ACSL4: variants seen among roughly 807,000 people sequenced by gnomAD.
ACSL4 encodes acyl-CoA synthetase long chain family member 4, also known as long-chain-fatty-acid--CoA ligase 4.
A neutral mutation model predicts 49.1 loss-of-function variants in ACSL4; 9 were observed. The observed-to-expected ratio is 0.18, with a 90% CI of 0.11 to 0.32. ACSL4 has a LOEUF of 0.32. ACSL4 is among the 10% of genes least tolerant of loss of function. ACSL4 has a pLI of 1.00. For missense variants in ACSL4, 333 were observed against 493.7 expected (o/e 0.67, Z 3.08); for synonymous variants, 191 against 170.3 (o/e 1.12, Z -0.95).
chrX:109,649,183 T>C (rs1179887490), intron 15 of ACSL4, among the ~76,000 whole-genome samples: 2 of 111,045 alleles, frequency 1.8e-5, no homozygotes, highest in South Asian at 3.8e-4. Flanking sequence ...TACTTTAAAG[T>C]TCATATGGAA....
Position 109,668,240 on chromosome X carries a change from T to A in ACSL4, c.1176A>T (p.Gly392=). Residue 392 remains glycine (G), a synonymous_variant, in exon 11 of 16, where the codon GGA becomes GGT. Transcript: ENST00000672401. The stretch of plus-strand genomic sequence containing the variant: ...CAGACAGCATCATGCGGACATTCCC[T>A]CCCAGCAGGGCCTTGACCTTTTTAA... ...LLFKKVKALL[G]GNVRMMLSGG... The A allele has an allele frequency of 8.3e-7, 1 of 1,207,234 alleles. No individual in the cohort carries two copies. The highest frequency in any genetic ancestry group is 1.1e-6 in the Non-Finnish European group (1 of 892,557).
chrX:109,650,913 G>A (rs1921063410), intron 15 of ACSL4, among the ~76,000 whole-genome samples: 1 of 111,768 alleles, frequency 8.9e-6, no homozygotes, highest in Non-Finnish European at 1.9e-5. Flanking sequence ...AGAAAATTAA[G>A]TCTCTAGACA....
intron 1 of ACSL4, among the ~76,000 whole-genome samples, chrX:109,703,482 C>T (rs1926115640): frequency 9.0e-6 from 1 of 111,243 alleles, no homozygotes; most frequent in Non-Finnish European, 1.9e-5. Context: ...AGTAAAAATG[C>T]CCTCTAAAAA....
At chrX:109,655,022 A>C (rs1464211360) in intron 15 of ACSL4, among the ~76,000 whole-genome samples, 1 of 111,550 alleles carries the variant, frequency 9.0e-6, no homozygotes, top group East Asian at 2.8e-4. Flanking sequence ...AGTCAGGCTA[A>C]TATTGCCCGG....
chrX:109,705,348 C>T (rs957775533), intron 1 of ACSL4, among the ~76,000 whole-genome samples: 9 of 111,811 alleles, frequency 8.0e-5, no homozygotes, highest in Non-Finnish European at 1.3e-4. Flanking sequence ...TGTTCTGCTA[C>T]CAGTGACAGA....
At chrX:109,649,640 C>T (rs1861807392) in intron 15 of ACSL4, among the ~76,000 whole-genome samples, 1 of 111,137 alleles carries the variant, frequency 9.0e-6, no homozygotes, top group South Asian at 3.8e-4. Context: ...TCTAAAACAC[C>T]AAAAGCAATG....
chrX:109,678,563 C>A (rs992574395), intron 6 of ACSL4, 148 bp from the exon 7 acceptor site: 1 of 708,543 alleles, frequency 1.4e-6, no homozygotes, highest in Admixed American at 2.7e-5. Context: ...GGTGAGGTGG[C>A]TCATGCCTGT....
intron 1 of ACSL4, among the ~76,000 whole-genome samples, chrX:109,700,207 C>CATA (rs1925782718): frequency 6.1e-5 from 1 of 16,268 alleles, no homozygotes; most frequent in Admixed American, 7.2e-4. Flanking sequence ...GACTCCGTCT[C>CATA]AAAAAAAAAA....
At chrX:109,692,884 C>T (rs1430734966) in intron 2 of ACSL4, among the ~76,000 whole-genome samples, 1 of 111,954 alleles carries the variant, frequency 8.9e-6, no homozygotes, top group African/African-American at 3.2e-5. Context: ...GAAGAATATA[C>T]AAAATATCTA....
chrX:109,707,623 C>T (rs558306659), intron 1 of ACSL4, among the ~76,000 whole-genome samples: 1 of 109,401 alleles, frequency 9.1e-6, no homozygotes, highest in African/African-American at 3.3e-5. Context: ...CTGGGAGTTG[C>T]GGACCCCTAT....
intron 15 of ACSL4, among the ~76,000 whole-genome samples, chrX:109,650,315 G>T (rs1266366079): frequency 2.7e-5 from 3 of 110,076 alleles, no homozygotes; most frequent in Admixed American, 1.9e-4. Flanking sequence ...AAGAAAATGT[G>T]GCACATATAC....
intron 1 of ACSL4, among the ~76,000 whole-genome samples, chrX:109,705,017 A>C (rs1434240034): frequency 9.0e-6 from 1 of 111,438 alleles, no homozygotes; most frequent in Non-Finnish European, 1.9e-5. Flanking sequence ...GGATGGGTTT[A>C]TGGCATAGAT....
At chrX:109,728,371 G>A (rs946921800) in intron 1 of ACSL4, among the ~76,000 whole-genome samples, 8 of 112,376 alleles carry the variant, frequency 7.1e-5, no homozygotes, top group Non-Finnish European at 1.5e-4. Context: ...ATTTAAATAA[G>A]AACACAAATT....
intron 15 of ACSL4, among the ~76,000 whole-genome samples, chrX:109,645,042 T>C (rs995842748): frequency 4.4e-5 from 5 of 112,805 alleles, no homozygotes; most frequent in African/African-American, 1.6e-4. Context: ...GTCTCGCTGA[T>C]TGCTAGCACA....
intron 1 of ACSL4, among the ~76,000 whole-genome samples, chrX:109,700,750 T>TA (rs943463593): frequency 9.0e-6 from 1 of 111,135 alleles, no homozygotes; most frequent in Non-Finnish European, 1.9e-5. Context: ...AAAAGTTTTT[T>TA]AAAAATATTC....
chrX:109,672,078 C>CT (rs1923305610), intron 9 of ACSL4, among the ~76,000 whole-genome samples: 1 of 28,758 alleles, frequency 3.5e-5, no homozygotes, highest in African/African-American at 1.4e-4. Flanking sequence ...TCAATAAATA[C>CT]TAAAAAAAAA....
intron 1 of ACSL4, among the ~76,000 whole-genome samples, chrX:109,726,454 A>G (rs1158054556): frequency 8.9e-6 from 1 of 112,097 alleles, no homozygotes; most frequent in Non-Finnish European, 1.9e-5. Flanking sequence ...ACAAACAAAA[A>G]AACAAATACA....
chrX:109,684,642 T>C (rs971360454), intron 2 of ACSL4, among the ~76,000 whole-genome samples: 2 of 112,066 alleles, frequency 1.8e-5, no homozygotes, highest in Admixed American at 9.5e-5. Flanking sequence ...ATAACTACCA[T>C]GTGCAGTGTA....
Position 109,682,762 on chromosome X carries a change from T to C in ACSL4, c.363A>G (p.Glu121=), listed in dbSNP as rs144600261. The C allele has an allele frequency of 4.2e-5, 51 of 1,209,966 alleles. 1 individual carries two copies. The African/African-American group carries it at 7.9e-4, about 19-fold the overall frequency. Reference sequence around the variant, plus strand: ...AGCAGGTCTGTGCTGCAATCATCCATTCGGCCCTGGTCTCACAGAAGATGG... The same window carrying C: ...AGCAGGTCTGTGCTGCAATCATCCACTCGGCCCTGGTCTCACAGAAGATGG... The part of the protein sequence containing the change: ...TIAIFCETRA[E]WMIAAQTCFK... The change falls in exon 4 of 16, where the codon GAA becomes GAG. Residue 121 remains glutamate, a synonymous_variant. Transcript: ENST00000672401.
Sources: gnomAD v4.1 joint callset for allele counts (sites outside exome capture counted in the v4.1 genomes callset) on GRCh38, gnomAD v4.1.1 for gene constraint, MANE v1.5 for transcripts, NCBI Gene and HGNC (gene_info 2026-07-23, HGNC 2026-07-21) for gene names.